FADS2: variants seen among roughly 807,000 people sequenced by gnomAD.
The protein encoded by FADS2 is fatty acid desaturase 2, also known as acyl-CoA 6-desaturase.
In FADS2, 18 loss-of-function variants were observed where a neutral mutation model predicts 61.2. The ratio of observed to expected loss-of-function variants is 0.29; its 90% CI spans 0.20 to 0.44. FADS2 has a LOEUF of 0.44. Among genes scored for constraint, FADS2 ranks in the 20% least tolerant of loss-of-function variants. The probability of loss-of-function intolerance (pLI) is 1.00; values close to 1 mark genes in which losing one functional copy is unlikely to be tolerated. For synonymous variants in FADS2, 203 were observed against 223.9 expected, an observed-to-expected ratio of 0.91 and a Z score of 0.83; for missense variants, 322 against 572.7, an observed-to-expected ratio of 0.56 and a Z score of 4.47.
chr11:61,865,441 G>A lies in FADS2; in HGVS notation c.1283+164G>A, dbSNP rs17156506. 13,202 of 994,596 alleles carry A rather than the reference G, an allele frequency of 0.013. 661 individuals carry two copies. The highest frequency in any genetic ancestry group is 0.13 in the African/African-American group (7,853 of 61,740). The allele number at this position is 994,596 out of a possible 1,614,324, so 61.6% of individuals were successfully genotyped here. A position where few individuals can be genotyped will look rare whatever the true frequency, so the allele number is the denominator to read the frequency against. ...TGTTGGGCTTTTCTCCCTGGGCTGC[G>A]AGAAGACCATCCCTTTCTGTGTGGG... On this transcript the variant is annotated intron_variant, in intron 11 of 11. Transcript: ENST00000278840. The surrounding 1 kb of genome is among the most constrained non-coding windows in gnomAD (Gnocchi z 4.1).
chr11:61,839,295 T>C (rs898234978), intron 2 of FADS2, among the ~76,000 whole-genome samples: 2 of 151,890 alleles, frequency 1.3e-5, no homozygotes. Flanking sequence ...TGGTGGAAAA[T>C]GCAAGTTTTA....
intron 1 of FADS2, among the ~76,000 whole-genome samples, chr11:61,829,981 C>T (rs1422420000): frequency 6.6e-6 from 1 of 152,240 alleles, no homozygotes; most frequent in African/African-American, 2.4e-5. Flanking sequence ...CTACAGCTTT[C>T]AGTCCCATCC....
At chr11:61,831,699 C>T (rs1029744477) in intron 1 of FADS2, among the ~76,000 whole-genome samples, 3 of 152,176 alleles carry the variant, frequency 2.0e-5, no homozygotes, top group Admixed American at 6.5e-5. Context: ...GGATCAGCCC[C>T]GTAGGCATCT....
chr11:61,821,674 A>G (rs1224933321), intron 1 of FADS2, among the ~76,000 whole-genome samples: 1 of 152,212 alleles, frequency 6.6e-6, no homozygotes, highest in Non-Finnish European at 1.5e-5. Context: ...GTGAAATTGG[A>G]TAACTTATGG....
upstream of FADS2, among the ~76,000 whole-genome samples, chr11:61,824,395 A>AGG (rs2067054150): frequency 1.3e-3 from 3 of 2,358 alleles, no homozygotes; most frequent in Non-Finnish European, 8.6e-4. Context: ...GGAAAAAAAA[A>AGG]GAGAGAGAGA....
rs2067455317 is a variant in FADS2, at chr11:61,865,075, G to A, written c.1158-77G>A. 2 of 1,539,222 alleles carry A rather than the reference G, an allele frequency of 1.3e-6. No individual in the cohort carries two copies. The highest frequency in any genetic ancestry group is 3.5e-5 in the Admixed American group (2 of 56,748). ...TCTCTGAGGGCCCCAGCCAGCCTCT[G>A]CCCAGGTGGTGGGAGGAAGCGGGAG... On this transcript the variant is annotated intron_variant, in intron 10 of 11. Transcript: ENST00000278840. This position sits in a 1 kb window ranked among gnomAD's most constrained non-coding sequence, Gnocchi z 4.1.
chr11:61,846,248 T>C (rs1376989634), intron 4 of FADS2, among the ~76,000 whole-genome samples: 1 of 151,470 alleles, frequency 6.6e-6, no homozygotes, highest in East Asian at 2.0e-4. Context: ...TCCTGAGTAG[T>C]TGGGATTACA....
At chr11:61,835,979 A>G (rs2067170919) in intron 1 of FADS2, among the ~76,000 whole-genome samples, 1 of 152,268 alleles carries the variant, frequency 6.6e-6, no homozygotes, top group Non-Finnish European at 1.5e-5. Flanking sequence ...TGATATGATC[A>G]AATATCTGGT....
At position 61,816,932 on chromosome 11, in the gene FADS2, G is replaced by T. The variant is rs1412940810; in HGVS notation, c.141+506G>T. On this transcript the variant is annotated intron_variant, in intron 1 of 11. Transcript: ENST00000257261. The surrounding 1 kb of genome is among the most constrained non-coding windows in gnomAD (Gnocchi z 7.0). Reference sequence around the variant, plus strand: ...GGCCTCGCAGCGCGCGTTCCCATTGGCCGAGCCTCGTGGCGCGGGGAGCGA... The same window carrying T: ...GGCCTCGCAGCGCGCGTTCCCATTGTCCGAGCCTCGTGGCGCGGGGAGCGA... 7.2e-7 allele frequency: 1 copy of T among 1,384,736 alleles called. No homozygotes were observed. Among genetic ancestry groups the T allele is most frequent in the Non-Finnish European group, 9.3e-7 (1 of 1,078,370 alleles). The allele number at this position is 1,384,736 out of a possible 1,614,324, so 85.8% of individuals were successfully genotyped here.
chr11:61,858,261 C>T (rs1397636222), intron 7 of FADS2, among the ~76,000 whole-genome samples: 1 of 151,798 alleles, frequency 6.6e-6, no homozygotes, highest in Non-Finnish European at 1.5e-5. Context: ...CAACTGCAAC[C>T]TCTACCTCCT....
chr11:61,859,411 G>A (rs569593795), intron 7 of FADS2, among the ~76,000 whole-genome samples: 4 of 152,330 alleles, frequency 2.6e-5, no homozygotes, highest in African/African-American at 9.6e-5. Context: ...CACCCTGACT[G>A]TGAATTTAAG....
intron 5 of FADS2, chr11:61,854,575 C>T (rs1208671131): frequency 6.6e-6 from 1 of 152,258 alleles, no homozygotes; most frequent in Non-Finnish European, 1.5e-5. Context: ...GCCAGGCACT[C>T]ACCCCCCTAG....
At position 61,849,194 on chromosome 11, in the gene FADS2, C is replaced by T. The variant is rs570941198; in HGVS notation, c.744+910C>T. Among the ~76,000 whole-genome samples, 7 of 152,334 alleles carry T rather than the reference C, an allele frequency of 4.6e-5. No homozygotes were observed. The East Asian group carries it at 5.8e-4, about 13-fold the overall frequency. On this transcript the variant is annotated intron_variant, in intron 5 of 11. Transcript: ENST00000278840. ...ACAGGCATGAGCCAACGTGCCCAGC[C>T]GAGAGAGTCACGTAATTTAGTGGCC...
chr11:61,816,966 C>A lies in FADS2; in HGVS notation c.141+540C>A. The A allele has an allele frequency of 7.3e-7, 1 of 1,372,090 alleles. No individual in the cohort carries two copies. The highest frequency in any genetic ancestry group is 1.7e-5 in the South Asian group (1 of 59,574). 85.0% of individuals were successfully genotyped at this position (1,372,090 alleles called of 1,614,324 possible). ...CGTGGCGCGGGGAGCGAGATCCCGT[C>A]CCCCGGTGGGTCTTGGGCAACTCAC... On this transcript the variant is annotated intron_variant, in intron 1 of 11. Transcript: ENST00000257261. This position sits in a 1 kb window ranked among gnomAD's most constrained non-coding sequence, Gnocchi z 7.0.
chr11:61,828,323 C>T lies in FADS2; in HGVS notation c.-68C>T, dbSNP rs1009117689. The T allele has an allele frequency of 5.4e-4, 817 of 1,523,546 alleles. 9 individuals carry two copies. The highest frequency in any genetic ancestry group is 6.0e-5 in the Admixed American group (3 of 49,666). The allele number at this position is 1,523,546 out of a possible 1,614,324, so 94.4% of individuals were successfully genotyped here. ...GCTGCACACACCGGCTGGGAGGCAG[C>T]CGTCTGTGCAGCGAGCAGCCGGCGC... is the stretch of plus-strand genomic sequence containing the variant. On this transcript the variant is annotated 5_prime_UTR_variant, in exon 1 of 12. Coordinates refer to ENST00000278840, the MANE Select transcript of FADS2 (RefSeq NM_004265.4). This position sits in a 1 kb window ranked among gnomAD's most constrained non-coding sequence, Gnocchi z 6.4.
upstream of FADS2, chr11:61,828,238 G>A: frequency 7.0e-7 from 1 of 1,437,082 alleles, no homozygotes; most frequent in Non-Finnish European, 9.1e-7. This position sits in a 1 kb window ranked among gnomAD's most constrained non-coding sequence, Gnocchi z 6.4. Flanking sequence ...AGAAGGCTGG[G>A]GGAGGGGGCG....
upstream of FADS2, chr11:61,826,000 C>T (rs2067081920): frequency 1.4e-6 from 1 of 692,822 alleles, no homozygotes; most frequent in South Asian, 1.5e-5. Context: ...TCGAGCACTG[C>T]CCTCATCTTT....
intron 1 of FADS2, among the ~76,000 whole-genome samples, chr11:61,834,889 G>A (rs1245764403): frequency 1.3e-5 from 2 of 151,762 alleles, no homozygotes; most frequent in African/African-American, 4.8e-5. Flanking sequence ...GGCTCTGGTG[G>A]GGACTGATCA....
rs571213571 is a variant in FADS2, at chr11:61,861,043, A to T, written c.883-1929A>T. Among the ~76,000 whole-genome samples the T allele has an allele frequency of 3.3e-5, 5 of 152,016 alleles. No homozygotes were observed. The South Asian group carries it at 1.0e-3, about 32-fold the overall frequency. Reference sequence around the variant, plus strand: ...AAGTAAGTGAGACCCCCCCATCTCTATAAAAACTTAAAAAAAATTATCCAG... The same window carrying T: ...AAGTAAGTGAGACCCCCCCATCTCTTTAAAAACTTAAAAAAAATTATCCAG... On this transcript the variant is annotated intron_variant, in intron 7 of 11. Transcript: ENST00000278840.
Sources: allele counts gnomAD v4.1 joint callset (sites outside exome capture counted in the v4.1 genomes callset), GRCh38; gene constraint gnomAD v4.1.1; non-coding constraint Gnocchi (gnomAD v3.1); transcripts MANE v1.5; gene names NCBI Gene and HGNC (gene_info 2026-07-23, HGNC 2026-07-21).